The following OGFRL1 variants were observed in gnomAD, a reference collection of about 807,000 sequenced individuals.
The protein encoded by OGFRL1 is opioid growth factor receptor-like protein 1.
A neutral mutation model predicts 32.4 loss-of-function variants in OGFRL1; 26 were observed. The ratio of observed to expected loss-of-function variants is 0.80; its 90% CI spans 0.59 to 1.11. OGFRL1 has a LOEUF of 1.11. OGFRL1 is among the 50% of genes most tolerant of loss of function. The probability of loss-of-function intolerance (pLI) is 0.00; values close to 1 mark genes in which losing one functional copy is unlikely to be tolerated. For missense variants in OGFRL1, 521 were observed against 546.4 expected (o/e 0.95, Z 0.46); for synonymous variants, 211 against 201.2 (o/e 1.05, Z -0.41).
intron 6 of OGFRL1, 111 bp from the exon 7 acceptor site, chr6:71,301,275 C>A: frequency 1.1e-6 from 1 of 901,872 alleles, no homozygotes; most frequent in Non-Finnish European, 1.7e-6. Context: ...CATTACACAG[C>A]ATATTTCCAT....
At chr6:71,291,444 A>T (rs1042448424) in intron 1 of OGFRL1, 2 of 152,184 alleles carry the variant, frequency 1.3e-5, no homozygotes, top group Non-Finnish European at 2.9e-5. Flanking sequence ...TCTGTAATTG[A>T]TGGTAGGCCT....
intron 6 of OGFRL1, among the ~76,000 whole-genome samples, chr6:71,297,189 C>G (rs1766237179): frequency 6.6e-6 from 1 of 152,066 alleles, no homozygotes; most frequent in African/African-American, 2.4e-5. Context: ...CTTCTTGGGG[C>G]ACAATCTGTT....
In OGFRL1 at chr6:71,305,902, T is replaced by C. The variant is rs1266822551; in HGVS notation, c.*3853T>C. 6.6e-6 allele frequency: 1 copy of C among 152,190 alleles called. No individual in the cohort carries two copies. Among genetic ancestry groups the C allele is most frequent in the Non-Finnish European group, 1.5e-5 (1 of 68,004 alleles). 9.4% of individuals were successfully genotyped at this position (152,190 alleles called of 1,614,324 possible). Reference sequence around the variant, plus strand: ...AATTTTCAAGTTTATAATAGAGTTATGGTTGAGTAGTCATCCATACTGAGT... The same window carrying C: ...AATTTTCAAGTTTATAATAGAGTTACGGTTGAGTAGTCATCCATACTGAGT... On this transcript the variant is annotated 3_prime_UTR_variant, in exon 7 of 7. Coordinates refer to ENST00000370435, the MANE Select transcript of OGFRL1 (RefSeq NM_024576.5).
In OGFRL1 at chr6:71,301,692, C is replaced by T. The variant is rs1161913071; in HGVS notation, c.999C>T (p.Ala333=). The T allele has an allele frequency of 3.7e-6, 6 of 1,614,034 alleles. No homozygotes were observed. The African/African-American group carries it at 5.3e-5, about 14-fold the overall frequency. Residue 333 remains alanine (A), a synonymous_variant, in exon 7 of 7, where the codon GCC becomes GCT. Coordinates refer to ENST00000370435, the MANE Select transcript of OGFRL1 (RefSeq NM_024576.5). The part of the protein sequence containing the change: ...SKAQKMSSPL[A]SSHNSQTSMH... ...CCCAGAAAATGTCTTCCCCTCTCGC[C>T]TCCAGTCATAACAGTCAAACTTCTA...
intron 1 of OGFRL1, 154 bp downstream of exon 1, chr6:71,289,324 C>T (rs1488572318): frequency 7.1e-6 from 7 of 984,124 alleles, no homozygotes; most frequent in Non-Finnish European, 8.4e-6. Flanking sequence ...TGACCTGTCT[C>T]CCGGTGGAGC....
At chr6:71,291,169 A>G (rs1295446888) in intron 1 of OGFRL1, among the ~76,000 whole-genome samples, 3 of 152,226 alleles carry the variant, frequency 2.0e-5, no homozygotes, top group African/African-American at 7.2e-5. Flanking sequence ...AGTAGCCTGT[A>G]AGCCAAATAC....
intron 1 of OGFRL1, chr6:71,289,548 TAAAAAAAAAAAAAAAAAAA>T (rs1158690810): frequency 3.5e-5 from 19 of 541,874 alleles, no homozygotes; most frequent in African/African-American, 4.8e-5. Context: ...GTGTTATTGG[TAAAAAAAAAAAAAAAAAAA>T]AAAAAAAAAA....
rs760113212 is a variant in OGFRL1, at chr6:71,301,370, C to T, written c.693-16C>T. 2.0e-6 allele frequency: 3 copies of T among 1,536,042 alleles called. No individual in the cohort carries two copies. The highest frequency in any genetic ancestry group is 2.6e-5 in the South Asian group (2 of 77,090). On this transcript the variant is annotated splice_polypyrimidine_tract_variant and intron_variant, in intron 6 of 6. Coordinates refer to ENST00000370435, the MANE Select transcript of OGFRL1 (RefSeq NM_024576.5). The stretch of plus-strand genomic sequence containing the variant: ...CCTGATTTCCCCCACTCATTTTATT[C>T]AATCCTCTCTTCCAGGTCCCAGCAC...
chr6:71,301,451 G>A lies in OGFRL1; in HGVS notation c.758G>A (p.Ser253Asn), dbSNP rs1486164262. Residue 253 changes from serine (S) to asparagine (N), a missense_variant, in exon 7 of 7, where the codon AGT (serine) becomes AAT (asparagine). Ser to Asn is a conservative substitution (Grantham distance 46, BLOSUM62 1). Transcript: ENST00000370435. ...AGCCTTGGTGAGCTTGGATATGAAAGTTTTAAATCTCCTCTTGTAAAATTT... is the reference window on the plus strand; with the variant it reads ...AGCCTTGGTGAGCTTGGATATGAAAATTTTAAATCTCCTCTTGTAAAATTT... ...LKSLGELGYE[S>N]FKSPLVKFIL... 1 of 1,611,614 alleles carries A rather than the reference G, an allele frequency of 6.2e-7. No individual in the cohort carries two copies. Among genetic ancestry groups the A allele is most frequent in the Non-Finnish European group, 8.5e-7 (1 of 1,179,408 alleles).
chr6:71,293,501 G>C, intron 2 of OGFRL1, 32 bp from the exon 3 acceptor site: 1 of 1,588,388 alleles, frequency 6.3e-7, no homozygotes, highest in South Asian at 1.1e-5. Flanking sequence ...ATTTCTATGT[G>C]CTGGAGATTG....
In OGFRL1 at chr6:71,304,575, A is replaced by T. The variant is rs1752605668; in HGVS notation, c.*2526A>T. The T allele has an allele frequency of 6.6e-6, 1 of 152,152 alleles. No individual in the cohort carries two copies. The highest frequency in any genetic ancestry group is 1.5e-5 in the Non-Finnish European group (1 of 67,978). 9.4% of individuals were successfully genotyped at this position (152,152 alleles called of 1,614,324 possible). ...ATATTAATAAAGTTACCAGATACTA[A>T]AATCAATGAATGTAATTTGAATTAC... On this transcript the variant is annotated 3_prime_UTR_variant, in exon 7 of 7. Coordinates refer to ENST00000370435, the MANE Select transcript of OGFRL1 (RefSeq NM_024576.5).
chr6:71,292,259 C>T (rs902247479), intron 1 of OGFRL1, among the ~76,000 whole-genome samples: 7 of 152,112 alleles, frequency 4.6e-5, no homozygotes, highest in South Asian at 2.1e-4. Context: ...AACATGACAG[C>T]GTAACTAATG....
chr6:71,293,654 C>T (rs756372122), intron 3 of OGFRL1, 43 bp downstream of exon 3: 6 of 1,262,000 alleles, frequency 4.8e-6, no homozygotes, highest in African/African-American at 4.5e-5. Flanking sequence ...TAAATAATCA[C>T]ATACACTTGG....
rs1334387051 is a variant in OGFRL1, at chr6:71,302,114, A to G, written c.*65A>G. On this transcript the variant is annotated 3_prime_UTR_variant, in exon 7 of 7. Transcript: ENST00000370435. ...AAAAAACTACTGTATCATTTATCCT[A>G]AAGAACAGAGATGAGGTCAATTTCA... 4.4e-6 allele frequency: 6 copies of G among 1,355,462 alleles called. No individual in the cohort carries two copies. The highest frequency in any genetic ancestry group is 5.8e-6 in the Non-Finnish European group (6 of 1,028,188). 84.0% of individuals were successfully genotyped at this position (1,355,462 alleles called of 1,614,324 possible).
chr6:71,289,029 C>A lies in OGFRL1; in HGVS notation c.93C>A (p.Pro31=). Residue 31 remains proline, a synonymous_variant, in exon 1 of 7, where the codon CCC becomes CCA. Transcript: ENST00000370435. ...STWQTDSEPE[P]EEPGPGGGSE... ...GGCAGACCGACTCGGAGCCCGAGCC[C>A]GAAGAACCAGGGCCGGGCGGCGGCA... 1.5e-6 allele frequency: 2 copies of A among 1,348,702 alleles called. No homozygotes were observed. Among genetic ancestry groups the A allele is most frequent in the East Asian group, 3.7e-5 (1 of 26,958 alleles). 83.5% of individuals were successfully genotyped at this position (1,348,702 alleles called of 1,614,324 possible). A position where few individuals can be genotyped will look rare whatever the true frequency, so the allele number is the denominator to read the frequency against.
chr6:71,289,926 C>A, intron 1 of OGFRL1: 3 of 601,132 alleles, frequency 5.0e-6, no homozygotes, highest in Non-Finnish European at 6.3e-6. Flanking sequence ...GGAGGTGGTT[C>A]AGGTTTGCCG....
In OGFRL1 at chr6:71,303,693, A is replaced by G. The variant is rs544534195; in HGVS notation, c.*1644A>G. 2.0e-5 allele frequency: 3 copies of G among 152,316 alleles called. No individual in the cohort carries two copies. In the South Asian group the frequency reaches 6.2e-4, roughly 32 times the overall value. The allele number at this position is 152,316 out of a possible 1,614,324, so 9.4% of individuals were successfully genotyped here. On this transcript the variant is annotated 3_prime_UTR_variant, in exon 7 of 7. Coordinates refer to ENST00000370435, the MANE Select transcript of OGFRL1 (RefSeq NM_024576.5). The stretch of plus-strand genomic sequence containing the variant: ...TTTTTTAAAAAGTATAGTTTTGTAC[A>G]TCTCTAAGTTATCAAACTTCAAAAT...
chr6:71,301,759 G>C lies in OGFRL1; in HGVS notation c.1066G>C (p.Val356Leu). The stretch of plus-strand genomic sequence containing the variant: ...GGACTCCAAAAATTCCTCCTCAGCT[G>C]TTCATTTAAATAGCAAAACAGCTGA... The part of the protein sequence containing the change: ...AKDSKNSSSA[V>L]HLNSKTAEDK... The change falls in exon 7 of 7, where the codon GTT becomes CTT. Residue 356 changes from valine (V) to leucine (L), a missense_variant. Coordinates refer to ENST00000370435, the MANE Select transcript of OGFRL1 (RefSeq NM_024576.5). The C allele has an allele frequency of 6.2e-7, 1 of 1,613,928 alleles. No individual in the cohort carries two copies. The highest frequency in any genetic ancestry group is 1.1e-5 in the South Asian group (1 of 91,058).
chr6:71,295,556 A>T (rs1766178545), intron 3 of OGFRL1: 1 of 152,130 alleles, frequency 6.6e-6, no homozygotes. Flanking sequence ...CCTATGTTGC[A>T]CTCAAGATTT....
Sources: gnomAD v4.1 joint callset for allele counts (sites outside exome capture counted in the v4.1 genomes callset) on GRCh38, gnomAD v4.1.1 for gene constraint, MANE v1.5 for transcripts, NCBI Gene and HGNC (gene_info 2026-07-23, HGNC 2026-07-21) for gene names.